Variants in CHRM3 observed in about 807,000 individuals in gnomAD.
CHRM3 encodes the protein muscarinic acetylcholine receptor M3.
A neutral mutation model predicts 41.8 loss-of-function variants in CHRM3; 11 were observed. The ratio of observed to expected loss-of-function variants is 0.26; its 90% CI spans 0.17 to 0.44. CHRM3 has a LOEUF of 0.44. CHRM3 is among the 20% of genes least tolerant of loss of function. The probability of loss-of-function intolerance (pLI) is 1.00; values close to 1 mark genes in which losing one functional copy is unlikely to be tolerated. For missense variants in CHRM3, 571 were observed against 745.4 expected, an observed-to-expected ratio of 0.77 and a Z score of 2.72; for synonymous variants, 297 against 301.4, an observed-to-expected ratio of 0.99 and a Z score of 0.15.
At chr1:239,642,114 A>T (rs1339137659) in intron 4 of CHRM3, among the ~76,000 whole-genome samples, 1 of 104,448 alleles carries the variant, frequency 9.6e-6, no homozygotes, top group Non-Finnish European at 2.0e-5. Context: ...TCTGGCTTGT[A>T]GAGTTTCTGC....
intron 2 of CHRM3, among the ~76,000 whole-genome samples, chr1:239,533,850 G>A (rs1397289630): frequency 1.3e-5 from 2 of 151,808 alleles, no homozygotes; most frequent in African/African-American, 4.8e-5. Context: ...ACCTCCCACT[G>A]GGTCCTTCCC....
intron 5 of CHRM3, among the ~76,000 whole-genome samples, chr1:239,716,024 T>C (rs1572077240): frequency 6.6e-6 from 1 of 152,218 alleles, no homozygotes; most frequent in Non-Finnish European, 1.5e-5. Flanking sequence ...CCCAGGTGTA[T>C]GAAAACAGAC....
At chr1:239,629,777 C>G (rs1303092976) in intron 3 of CHRM3, among the ~76,000 whole-genome samples, 1 of 152,100 alleles carries the variant, frequency 6.6e-6, no homozygotes, top group Non-Finnish European at 1.5e-5. Context: ...ATTTTGTTGA[C>G]CTGTTGAAAG....
At chr1:239,514,407 T>C (rs1398070707) in intron 2 of CHRM3, among the ~76,000 whole-genome samples, 1 of 151,898 alleles carries the variant, frequency 6.6e-6, no homozygotes, top group East Asian at 1.9e-4. Context: ...TGGTATTGTG[T>C]TTTAAATTTT....
chr1:239,549,498 A>C (rs1317863715), intron 3 of CHRM3, among the ~76,000 whole-genome samples: 3 of 147,116 alleles, frequency 2.0e-5, no homozygotes, highest in Admixed American at 1.4e-4. Context: ...AAAAATACAA[A>C]AAAAAAAAAA....
At chr1:239,755,000 T>C (rs1224313909) in intron 5 of CHRM3, among the ~76,000 whole-genome samples, 1 of 152,186 alleles carries the variant, frequency 6.6e-6, no homozygotes, top group Admixed American at 6.5e-5. Context: ...GAATTAGGCA[T>C]TGGATTAAGG....
chr1:239,669,628 A>G (rs535645769), intron 4 of CHRM3, among the ~76,000 whole-genome samples: 36 of 152,334 alleles, frequency 2.4e-4, no homozygotes, highest in African/African-American at 8.7e-4. Flanking sequence ...GGGGAAAAAA[A>G]TTCTAGAATG....
At chr1:239,446,678 A>C (rs916666782) in intron 1 of CHRM3, among the ~76,000 whole-genome samples, 2 of 152,208 alleles carry the variant, frequency 1.3e-5, no homozygotes, top group Non-Finnish European at 2.9e-5. Flanking sequence ...TGTTGAAAAA[A>C]CAACTTGGCA....
Position 239,647,438 on chromosome 1 carries a change from G to A in CHRM3, c.-250+15152G>A, listed in dbSNP as rs145677417. On this transcript the variant is annotated intron_variant, in intron 4 of 6. Coordinates refer to ENST00000676153, the MANE Select transcript of CHRM3 (RefSeq NM_001375978.1). ...TTGAATCTCCTCTTTCATCTCATCA[G>A]CCTCTTTCTCTTTTTTCCTCTCTCT... Among the ~76,000 whole-genome samples, 440 of 152,094 alleles carry A rather than the reference G, an allele frequency of 2.9e-3. 1 individual carries two copies. Among genetic ancestry groups the A allele is most frequent in the African/African-American group, 0.01 (424 of 41,492 alleles).
intron 5 of CHRM3, among the ~76,000 whole-genome samples, chr1:239,695,156 G>A (rs1357425338): frequency 4.6e-5 from 7 of 151,990 alleles, no homozygotes; most frequent in Non-Finnish European, 5.9e-5. Flanking sequence ...GACTACAGGC[G>A]CATGCCACCA....
intron 4 of CHRM3, among the ~76,000 whole-genome samples, chr1:239,654,609 G>T (rs1672547783): frequency 6.6e-6 from 1 of 152,104 alleles, no homozygotes; most frequent in African/African-American, 2.4e-5. Context: ...ATGTGGGCCG[G>T]GAAAGTCTCG....
At chr1:239,568,178 A>C in intron 3 of CHRM3, among the ~76,000 whole-genome samples, 1 of 152,052 alleles carries the variant, frequency 6.6e-6, no homozygotes. Flanking sequence ...TAGAGTCCTG[A>C]GTGGAGAAGG....
At chr1:239,552,461 T>C (rs1659947670) in intron 3 of CHRM3, among the ~76,000 whole-genome samples, 1 of 147,722 alleles carries the variant, frequency 6.8e-6, no homozygotes, top group South Asian at 2.1e-4. Context: ...TCATATTTTA[T>C]ATATGTATAG....
rs1319753055 is a variant in CHRM3, at chr1:239,909,901, CT to C, written c.*678del. The stretch of plus-strand genomic sequence containing the variant: ...AGTGTATATAATATCATGGGAAACA[CT>C]GAACTGGCAAATTATTCCTGCAACA... On this transcript the variant is annotated 3_prime_UTR_variant, in exon 7 of 7. Coordinates refer to ENST00000676153, the MANE Select transcript of CHRM3 (RefSeq NM_001375978.1). The C allele has an allele frequency of 6.0e-6, 1 of 167,084 alleles. No individual in the cohort carries two copies. The highest frequency in any genetic ancestry group is 1.5e-5 in the Non-Finnish European group (1 of 68,120). The allele number at this position is 167,084 out of a possible 1,614,324, so 10.4% of individuals were successfully genotyped here. A position where few individuals can be genotyped will look rare whatever the true frequency, so the allele number is the denominator to read the frequency against.
intron 3 of CHRM3, among the ~76,000 whole-genome samples, chr1:239,602,022 A>G (rs1665605704): frequency 6.6e-6 from 1 of 150,924 alleles, no homozygotes; most frequent in African/African-American, 2.4e-5. Context: ...TTAAAATTAT[A>G]TCTATATATA....
At chr1:239,612,216 C>A (rs1667152683) in intron 3 of CHRM3, among the ~76,000 whole-genome samples, 1 of 152,140 alleles carries the variant, frequency 6.6e-6, no homozygotes, top group South Asian at 2.1e-4. Flanking sequence ...AAGGAAGAGT[C>A]TTACATGACA....
intron 3 of CHRM3, among the ~76,000 whole-genome samples, chr1:239,576,653 C>A (rs554089394): frequency 6.1e-4 from 93 of 151,620 alleles, no homozygotes; most frequent in African/African-American, 2.2e-3. Context: ...GGCATGGTGG[C>A]ATGTGCCTAT....
intron 1 of CHRM3, among the ~76,000 whole-genome samples, chr1:239,456,184 T>C (rs1447987758): frequency 1.3e-5 from 2 of 152,174 alleles, no homozygotes; most frequent in Admixed American, 6.5e-5. Context: ...TTTTAAGCCT[T>C]ACCAGCAGAA....
At chr1:239,776,531 A>G (rs1000213779) in intron 5 of CHRM3, among the ~76,000 whole-genome samples, 3 of 152,146 alleles carry the variant, frequency 2.0e-5, no homozygotes, top group African/African-American at 7.2e-5. Context: ...CAGATAGTGA[A>G]CCTTTCAAAA....
Sources: gnomAD v4.1 joint callset for allele counts (sites outside exome capture counted in the v4.1 genomes callset) on GRCh38, gnomAD v4.1.1 for gene constraint, MANE v1.5 for transcripts, NCBI Gene and HGNC (gene_info 2026-07-23, HGNC 2026-07-21) for gene names.